The following HOMER1 variants were observed in gnomAD, a reference collection of about 807,000 sequenced individuals.
HOMER1 encodes homer scaffold protein 1, also known as homer protein homolog 1.
HOMER1 carries 3 observed loss-of-function variants against 48.9 expected under a neutral mutation model. The ratio of observed to expected loss-of-function variants is 0.06; its 90% CI spans 0.03 to 0.16. HOMER1 has a LOEUF of 0.16. Ranked by LOEUF, HOMER1 falls within the 10% of genes least tolerant of loss-of-function variation. HOMER1 has a pLI of 1.00. For synonymous variants in HOMER1, 134 were observed against 146.4 expected, an observed-to-expected ratio of 0.92 and a Z score of 0.61; for missense variants, 247 against 411.4, an observed-to-expected ratio of 0.60 and a Z score of 3.46.
intron 5 of HOMER1, among the ~76,000 whole-genome samples, chr5:79,431,342 C>G (rs892591762): frequency 7.4e-6 from 1 of 135,512 alleles, no homozygotes; most frequent in African/African-American, 3.1e-5. Context: ...ACAACACATG[C>G]TAAGTGAAAG....
At chr5:79,403,515 A>G (rs1749584851) in intron 5 of HOMER1, among the ~76,000 whole-genome samples, 1 of 152,182 alleles carries the variant, frequency 6.6e-6, no homozygotes, top group Non-Finnish European at 1.5e-5. Context: ...CAATGAGAAA[A>G]TATCATATAA....
chr5:79,437,536 TA>T (rs377613456), intron 5 of HOMER1, among the ~76,000 whole-genome samples: 356 of 152,376 alleles, frequency 2.3e-3, no homozygotes, highest in African/African-American at 8.2e-3. Flanking sequence ...AATATCGTTA[TA>T]CCACAACAAT....
intron 8 of HOMER1, among the ~76,000 whole-genome samples, chr5:79,392,954 G>GGGGAGAGAGAGAGA (rs758464934): frequency 4.3e-5 from 6 of 140,878 alleles, no homozygotes; most frequent in African/African-American, 1.6e-4. Flanking sequence ...GAAGGGAAAG[G>GGGGAGAGAGAGAGA]GAGAGAGAGA....
intron 1 of HOMER1, among the ~76,000 whole-genome samples, chr5:79,496,703 G>GT (rs995515234): frequency 1.3e-5 from 2 of 152,036 alleles, no homozygotes; most frequent in Non-Finnish European, 2.9e-5. Flanking sequence ...TTCCAGAATA[G>GT]TTTCCAAAAT....
intron 8 of HOMER1, 22 bp downstream of exon 8, chr5:79,396,801 A>C (rs756441477): frequency 6.9e-7 from 1 of 1,451,336 alleles, no homozygotes; most frequent in Non-Finnish European, 9.6e-7. Context: ...AGAAGTGAAT[A>C]ACAATTTTTA....
intron 5 of HOMER1, among the ~76,000 whole-genome samples, chr5:79,412,266 G>A (rs1169191538): frequency 6.6e-6 from 1 of 152,120 alleles, no homozygotes; most frequent in African/African-American, 2.4e-5. Context: ...TGCCTGCTGG[G>A]TTGTCTCCTC....
rs1752649549 is a variant in HOMER1 at position 79,503,084 on chromosome 5, G to A, written c.5+9686C>T. ...TTACAGGCGTGAGCCACTGCGCCCA[G>A]CCTGCATGTAACTTTTAACTCCTCA... On this transcript the variant is annotated intron_variant, in intron 1 of 8. Coordinates refer to ENST00000334082, the MANE Select transcript of HOMER1 (RefSeq NM_004272.5). 2.0e-5 allele frequency among the ~76,000 whole-genome samples: 3 copies of A among 152,120 alleles called. No homozygotes were observed. In the South Asian group the frequency reaches 6.2e-4, roughly 31 times the overall value.
chr5:79,402,166 TTC>T, intron 5 of HOMER1, 111 bp from the exon 6 acceptor site: 2 of 958,136 alleles, frequency 2.1e-6, no homozygotes, highest in Non-Finnish European at 1.5e-6. Flanking sequence ...ATGTTTTCTT[TTC>T]TTTTTTTTTT....
chr5:79,483,827 G>A (rs540787114), intron 1 of HOMER1, among the ~76,000 whole-genome samples: 15 of 151,720 alleles, frequency 9.9e-5, no homozygotes, highest in African/African-American at 3.1e-4. Flanking sequence ...GGCCGAGGTG[G>A]GTGGATCACC....
intron 1 of HOMER1, among the ~76,000 whole-genome samples, chr5:79,498,984 T>C (rs1045566701): frequency 2.0e-5 from 3 of 151,980 alleles, no homozygotes; most frequent in African/African-American, 7.3e-5. Context: ...TACAGGCGCA[T>C]ACCACCATGC....
chr5:79,450,898 C>T lies in HOMER1; in HGVS notation c.294+92G>A, dbSNP rs537614737. The stretch of plus-strand genomic sequence containing the variant: ...TTTCGAGAATATTAAATAAATTTCT[C>T]CTATATTTTATACTCTCCATTTGGT... On this transcript the variant is annotated intron_variant, in intron 3 of 8. Transcript: ENST00000334082. 108 of 1,204,636 alleles carry T rather than the reference C, an allele frequency of 9.0e-5. 1 individual carries two copies. In the South Asian group the frequency reaches 1.7e-3, roughly 19 times the overall value. The allele number at this position is 1,204,636 out of a possible 1,614,324, so 74.6% of individuals were successfully genotyped here.
intron 5 of HOMER1, among the ~76,000 whole-genome samples, chr5:79,435,864 C>A (rs1395685979): frequency 1.3e-5 from 2 of 149,554 alleles, no homozygotes; most frequent in Non-Finnish European, 3.0e-5. Context: ...CGGTGGCTCA[C>A]GCCTGTAATC....
chr5:79,510,628 G>C, intron 1 of HOMER1: 1 of 908,134 alleles, frequency 1.1e-6, no homozygotes, highest in Non-Finnish European at 1.8e-6. Context: ...CCAAGGCCAT[G>C]AGTGCACATG....
chr5:79,422,226 CAAAAAAATTA>C (rs1750121608), intron 5 of HOMER1, among the ~76,000 whole-genome samples: 1 of 144,658 alleles, frequency 6.9e-6, no homozygotes, highest in Non-Finnish European at 1.5e-5. Context: ...GGCTCCATCT[CAAAAAAATTA>C]AAAAAAAAAA....
intron 8 of HOMER1, among the ~76,000 whole-genome samples, chr5:79,381,335 T>C (rs1158242590): frequency 6.6e-6 from 1 of 152,234 alleles, no homozygotes; most frequent in Non-Finnish European, 1.5e-5. Flanking sequence ...ATAGCGTAGA[T>C]ACATCTACAG....
intron 1 of HOMER1, among the ~76,000 whole-genome samples, chr5:79,509,376 G>C (rs1664914765): frequency 6.6e-6 from 1 of 151,706 alleles, no homozygotes; most frequent in African/African-American, 2.4e-5. Context: ...AATGAGCTAA[G>C]TAAAAACAAA....
intron 1 of HOMER1, among the ~76,000 whole-genome samples, chr5:79,460,371 TA>T (rs1338518629): frequency 6.6e-6 from 1 of 152,152 alleles, no homozygotes; most frequent in East Asian, 1.9e-4. Flanking sequence ...GAGGTTGCAG[TA>T]AGCCAAGATC....
intron 4 of HOMER1, among the ~76,000 whole-genome samples, chr5:79,439,602 G>T (rs1247830516): frequency 6.6e-6 from 1 of 151,896 alleles, no homozygotes; most frequent in Non-Finnish European, 1.5e-5. Context: ...GAGAGGGGGA[G>T]GGCAAAGGGG....
chr5:79,471,469 C>G (rs994045392), intron 1 of HOMER1, among the ~76,000 whole-genome samples: 2 of 150,500 alleles, frequency 1.3e-5, no homozygotes, highest in Admixed American at 1.3e-4. Flanking sequence ...TCTCTTGAAC[C>G]TGGGAGGCAG....
Sources: gnomAD v4.1 joint callset for allele counts (sites outside exome capture counted in the v4.1 genomes callset) on GRCh38, gnomAD v4.1.1 for gene constraint, MANE v1.5 for transcripts, NCBI Gene and HGNC (gene_info 2026-07-23, HGNC 2026-07-21) for gene names.